Variants in OR51B5 observed in about 807,000 individuals in gnomAD.
OR51B5 encodes the protein olfactory receptor 51B5.
For missense variants in OR51B5, 456 were observed against 374.6 expected (o/e 1.22, Z -1.79); for synonymous variants, 186 against 144.8 (o/e 1.28, Z -2.04).
At chr11:5,425,530 G>A (rs1361602030) in intron 1 of OR51B5, among the ~76,000 whole-genome samples, 1 of 152,136 alleles carries the variant, frequency 6.6e-6, no homozygotes, top group African/African-American at 2.4e-5. Context: ...TGTGTGTGTG[G>A]CGAGGGGAGG....
chr11:5,403,140 T>C lies in OR51B5; in HGVS notation n.85-56230A>G, dbSNP rs759755614. 20 of 469,390 alleles carry C rather than the reference T, an allele frequency of 4.3e-5. 1 individual carries two copies. Among genetic ancestry groups the C allele is most frequent in the South Asian group, 2.5e-4 (16 of 64,516 alleles). 29.1% of individuals were successfully genotyped at this position (469,390 alleles called of 1,614,324 possible). ...GCCACAATGCCCTCTCACATTCCTA[T>C]TGTCTGCACCCCAATCTTATCTATC... On this transcript the variant is annotated intron_variant and non_coding_transcript_variant, in intron 1 of 4. Coordinates refer to the OR51B5 transcript ENST00000415970.
intron 1 of OR51B5, among the ~76,000 whole-genome samples, chr11:5,379,498 A>G (rs1200914125): frequency 6.6e-6 from 1 of 151,866 alleles, no homozygotes; most frequent in Non-Finnish European, 1.5e-5. Flanking sequence ...AATAAAAAAT[A>G]AAGTTCCAGT....
At chr11:5,389,610 T>C (rs200019957) in intron 1 of OR51B5, 1,062 of 1,613,854 alleles carry the variant, frequency 6.6e-4, no homozygotes, top group Non-Finnish European at 7.8e-4. Context: ...CACACACCCA[T>C]GTACTATCTA....
intron 1 of OR51B5, among the ~76,000 whole-genome samples, chr11:5,413,125 C>T (rs929568671): frequency 6.6e-6 from 1 of 152,172 alleles, no homozygotes; most frequent in Admixed American, 6.5e-5. Context: ...ATTCGCGGTT[C>T]ACGAAAAACC....
rs1564915964 is a variant in OR51B5, at chr11:5,351,663, C to A, written n.85-4753G>T. 8.7e-6 allele frequency: 14 copies of A among 1,614,008 alleles called. No homozygotes were observed. Among genetic ancestry groups the A allele is most frequent in the East Asian group, 2.2e-5 (1 of 44,894 alleles). On this transcript the variant is annotated intron_variant and non_coding_transcript_variant, in intron 1 of 4. Transcript: ENST00000415970. ...TCTTTCTCATCAGGAATGATCATAA[C>A]CTCCATGAGCCCATGTACTATTTCT...
At chr11:5,351,605 A>T (rs761975701) in intron 1 of OR51B5, 5 of 1,613,998 alleles carry the variant, frequency 3.1e-6, no homozygotes. Context: ...TTGGCAGCCT[A>T]CATCTCCATA....
intron 1 of OR51B5, among the ~76,000 whole-genome samples, chr11:5,383,340 A>G (rs10768899): frequency 0.96 from 146,228 of 152,192 alleles, 70,635 homozygotes; most frequent in African/African-American, 0.98. Flanking sequence ...AATTATCTGC[A>G]GTAAATGGAA....
intron 1 of OR51B5, among the ~76,000 whole-genome samples, chr11:5,452,918 T>A (rs1288503917): frequency 6.6e-6 from 1 of 152,236 alleles, no homozygotes; most frequent in African/African-American, 2.4e-5. Context: ...CATGACTGCC[T>A]CTGGAGGCAG....
intron 1 of OR51B5, among the ~76,000 whole-genome samples, chr11:5,349,019 C>T (rs915184920): frequency 3.9e-5 from 6 of 152,110 alleles, no homozygotes; most frequent in African/African-American, 1.4e-4. Flanking sequence ...GAGGTGTCTG[C>T]ATAGAGCCAT....
chr11:5,477,710 G>C (rs934446567), intron 1 of OR51B5, among the ~76,000 whole-genome samples: 6 of 152,190 alleles, frequency 3.9e-5, no homozygotes, highest in Admixed American at 3.9e-4. Flanking sequence ...GAAGCACAAG[G>C]GGTCAGGGAG....
chr11:5,343,044 G>A (rs1309175057), exon 1 of OR51B5: 1 of 1,613,718 alleles, frequency 6.2e-7, no homozygotes, highest in African/African-American at 1.3e-5. Context: ...AAAAAATAGA[G>A]GGGCCTGATT....
chr11:5,487,337 C>G (rs1851512564), intron 1 of OR51B5, among the ~76,000 whole-genome samples: 1 of 152,044 alleles, frequency 6.6e-6, no homozygotes, highest in Admixed American at 6.6e-5. Context: ...GAATAGTCAT[C>G]TTTTGTCAAC....
chr11:5,499,928 G>A (rs1336751749), intron 1 of OR51B5, among the ~76,000 whole-genome samples: 1 of 152,192 alleles, frequency 6.6e-6, no homozygotes, highest in African/African-American at 2.4e-5. Flanking sequence ...TGATAATACA[G>A]TAATGAGAAC....
intron 1 of OR51B5, chr11:5,468,834 T>C (rs1851178718): frequency 4.5e-6 from 2 of 444,340 alleles, no homozygotes; most frequent in South Asian, 3.2e-5. Flanking sequence ...ATGCTGTTGA[T>C]GGTAGTGTCT....
intron 1 of OR51B5, among the ~76,000 whole-genome samples, chr11:5,374,005 C>G (rs937177082): frequency 6.6e-6 from 1 of 152,222 alleles, no homozygotes; most frequent in Non-Finnish European, 1.5e-5. Context: ...AGCTGGAGAT[C>G]TGAGAACGGG....
intron 1 of OR51B5, among the ~76,000 whole-genome samples, chr11:5,420,962 C>T (rs1564807805): frequency 6.6e-6 from 1 of 152,126 alleles, no homozygotes; most frequent in Non-Finnish European, 1.5e-5. Context: ...GCTCTCTTGC[C>T]CCTGTAAACT....
At chr11:5,438,102 T>C (rs1004325934) in intron 1 of OR51B5, among the ~76,000 whole-genome samples, 1 of 152,072 alleles carries the variant, frequency 6.6e-6, no homozygotes, top group African/African-American at 2.4e-5. Context: ...ATCATGACCT[T>C]GTAAGTTAGG....
exon 1 of OR51B5, chr11:5,342,610 A>G: frequency 1.9e-6 from 3 of 1,596,694 alleles, no homozygotes; most frequent in South Asian, 2.3e-5. Flanking sequence ...TATGGGTAGT[A>G]AAAAGGTGAA....
At chr11:5,389,623 A>G (rs1312674722) in intron 1 of OR51B5, 3 of 1,613,510 alleles carry the variant, frequency 1.9e-6, no homozygotes, top group East Asian at 2.2e-5. Context: ...ACTATCTACT[A>G]TCCTTGCTGG....
Sources: gnomAD v4.1 joint callset for allele counts (sites outside exome capture counted in the v4.1 genomes callset) on GRCh38, gnomAD v4.1.1 for gene constraint, MANE v1.5 for transcripts, NCBI Gene and HGNC (gene_info 2026-07-23, HGNC 2026-07-21) for gene names.